Variants in MBD2 observed in about 807,000 individuals in gnomAD.
The protein encoded by MBD2 is methyl-CpG binding domain protein 2, also known as methyl-CpG-binding domain protein 2.
MBD2 carries 9 observed loss-of-function variants against 39.3 expected under a neutral mutation model. That is an observed-to-expected ratio of 0.23 (90% CI 0.14 to 0.40). MBD2 has a LOEUF of 0.40. MBD2 is among the 10% of genes least tolerant of loss of function. MBD2 has a pLI of 1.00. For synonymous variants in MBD2, 233 were observed against 211.1 expected, an observed-to-expected ratio of 1.10 and a Z score of -0.90; for missense variants, 458 against 532.6, an observed-to-expected ratio of 0.86 and a Z score of 1.38.
intron 2 of MBD2, among the ~76,000 whole-genome samples, chr18:54,193,283 G>C (rs1365360250): frequency 6.6e-6 from 1 of 152,160 alleles, no homozygotes; most frequent in African/African-American, 2.4e-5. Context: ...GATTAAAGCT[G>C]TTTATGTATA....
intron 3 of MBD2, among the ~76,000 whole-genome samples, chr18:54,180,864 T>C (rs989293540): frequency 6.6e-6 from 1 of 150,882 alleles, no homozygotes; most frequent in Non-Finnish European, 1.5e-5. Flanking sequence ...TTGGTAACTA[T>C]GAACCAACAG....
At chr18:54,218,406 G>C (rs530343376) in intron 1 of MBD2, among the ~76,000 whole-genome samples, 1 of 152,280 alleles carries the variant, frequency 6.6e-6, no homozygotes, top group Admixed American at 6.5e-5. Context: ...AAGTGTAATA[G>C]TAAATAATCA....
intron 3 of MBD2, among the ~76,000 whole-genome samples, chr18:54,181,425 A>G (rs2086251216): frequency 6.6e-6 from 1 of 152,242 alleles, no homozygotes; most frequent in Non-Finnish European, 1.5e-5. Flanking sequence ...TCTGTCAAAG[A>G]TATCATTCTC....
At chr18:54,166,292 AT>A (rs2086131702) in intron 3 of MBD2, 126 bp from the exon 4 acceptor site, 1 of 638,722 alleles carries the variant, frequency 1.6e-6, no homozygotes. Flanking sequence ...TTTTTTCCTT[AT>A]AAAAAGCTAA....
chr18:54,191,254 G>A (rs896062984), intron 2 of MBD2, among the ~76,000 whole-genome samples: 8 of 152,130 alleles, frequency 5.3e-5, no homozygotes, highest in African/African-American at 1.9e-4. Flanking sequence ...TAGGGCCTAG[G>A]AATTTGCATT....
At chr18:54,173,656 A>G (rs1466019018) in intron 3 of MBD2, among the ~76,000 whole-genome samples, 2 of 152,242 alleles carry the variant, frequency 1.3e-5, no homozygotes, top group African/African-American at 2.4e-5. Flanking sequence ...TTAACTCCTC[A>G]TTAAAATAAT....
intron 1 of MBD2, among the ~76,000 whole-genome samples, chr18:54,205,591 C>CAAAAAA (rs10719481): frequency 1.1e-5 from 1 of 90,092 alleles, no homozygotes; most frequent in African/African-American, 4.3e-5. Context: ...AACTCTATCT[C>CAAAAAA]AAAAAAAAAA....
At chr18:54,199,954 TTTA>T (rs1358352638) in intron 2 of MBD2, among the ~76,000 whole-genome samples, 2 of 152,180 alleles carry the variant, frequency 1.3e-5, no homozygotes, top group African/African-American at 2.4e-5. Context: ...CACAAAATTT[TTTA>T]TTATTGTTGA....
chr18:54,166,134 A>G lies in MBD2; in HGVS notation c.873T>C (p.Ser291=). 1 of 1,613,866 alleles carries G rather than the reference A, an allele frequency of 6.2e-7. No homozygotes were observed. The highest frequency in any genetic ancestry group is 8.5e-7 in the Non-Finnish European group (1 of 1,179,760). Residue 291 remains serine (S), a synonymous_variant, in exon 4 of 7, where the codon AGT becomes AGC. Transcript: ENST00000256429. ...LFWEKRLQGL[S]ASDVTEQIIK... ...TAATTTGTTCTGTTACATCTGATGC[A>G]CTAAGTCCTTGTAGCCTCTTCTCCC... is the stretch of plus-strand genomic sequence containing the variant.
intron 2 of MBD2, among the ~76,000 whole-genome samples, chr18:54,190,646 G>A (rs1438520696): frequency 6.6e-6 from 1 of 152,172 alleles, no homozygotes; most frequent in African/African-American, 2.4e-5. Context: ...GATGTTTTGT[G>A]ACCAGAAATA....
intron 3 of MBD2, among the ~76,000 whole-genome samples, chr18:54,171,502 C>T (rs966301464): frequency 6.6e-6 from 1 of 152,060 alleles, no homozygotes; most frequent in Non-Finnish European, 1.5e-5. Context: ...CCATCCTCTT[C>T]CTTGCAGACA....
At chr18:54,191,805 T>C (rs2086321500) in intron 2 of MBD2, among the ~76,000 whole-genome samples, 1 of 152,236 alleles carries the variant, frequency 6.6e-6, no homozygotes, top group South Asian at 2.1e-4. Flanking sequence ...GTCATTCCTT[T>C]ATCTCATTTT....
At chr18:54,200,370 T>C (rs907017696) in intron 2 of MBD2, among the ~76,000 whole-genome samples, 2 of 152,256 alleles carry the variant, frequency 1.3e-5, no homozygotes, top group Admixed American at 6.5e-5. Flanking sequence ...TATAAAACAT[T>C]TGATGTTAAG....
intron 1 of MBD2, among the ~76,000 whole-genome samples, chr18:54,221,975 C>T (rs2086617500): frequency 6.6e-6 from 1 of 152,198 alleles, no homozygotes; most frequent in South Asian, 2.1e-4. Flanking sequence ...CAAACCATAT[C>T]CCAGGAGAAC....
chr18:54,190,189 T>C (rs746960124), intron 2 of MBD2, among the ~76,000 whole-genome samples: 4 of 152,178 alleles, frequency 2.6e-5, no homozygotes, highest in Admixed American at 2.6e-4. Context: ...GTTCCTTATT[T>C]TTAATATACA....
At chr18:54,220,637 C>T (rs2086603354) in intron 1 of MBD2, among the ~76,000 whole-genome samples, 1 of 152,162 alleles carries the variant, frequency 6.6e-6, no homozygotes, top group Non-Finnish European at 1.5e-5. Flanking sequence ...GTTCACATTA[C>T]CAACAGGAGA....
At position 54,224,188 on chromosome 18, in the gene MBD2, C is replaced by T. The variant is rs2089090520; in HGVS notation, c.372G>A (p.Arg124=). ...TCCCCGACGGGAAAGGGACCGGCTC[C>T]CGCCGGGGGGCGCCGCCGCCACCGC... is the stretch of plus-strand genomic sequence containing the variant. ...GGSGGGGAPR[R]EPVPFPSGSA... The change falls in exon 1 of 7, where the codon CGG becomes CGA. Residue 124 remains arginine, a synonymous_variant. Coordinates refer to ENST00000256429, the MANE Select transcript of MBD2 (RefSeq NM_003927.5). The T allele has an allele frequency of 8.1e-7, 1 of 1,234,502 alleles. No individual in the cohort carries two copies. The highest frequency in any genetic ancestry group is 1.0e-6 in the Non-Finnish European group (1 of 989,812). 76.5% of individuals were successfully genotyped at this position (1,234,502 alleles called of 1,614,324 possible). A position where few individuals can be genotyped will look rare whatever the true frequency, so the allele number is the denominator to read the frequency against.
chr18:54,190,307 C>G (rs950177407), intron 2 of MBD2, among the ~76,000 whole-genome samples: 1 of 152,104 alleles, frequency 6.6e-6, no homozygotes, highest in Non-Finnish European at 1.5e-5. Flanking sequence ...GGCATGTTCT[C>G]CCCAGGTCTG....
At chr18:54,215,942 C>T (rs1458156505) in intron 1 of MBD2, among the ~76,000 whole-genome samples, 1 of 151,938 alleles carries the variant, frequency 6.6e-6, no homozygotes, top group African/African-American at 2.4e-5. Context: ...CCTGGGATTA[C>T]AGGCACCTGC....
Sources: gnomAD v4.1 joint callset for allele counts (sites outside exome capture counted in the v4.1 genomes callset) on GRCh38, gnomAD v4.1.1 for gene constraint, MANE v1.5 for transcripts, NCBI Gene and HGNC (gene_info 2026-07-23, HGNC 2026-07-21) for gene names.